ITPR1: variants seen among roughly 807,000 people sequenced by gnomAD.
The protein encoded by ITPR1 is inositol 1,4,5-trisphosphate receptor type 1.
ITPR1 carries 96 observed loss-of-function variants against 318.4 expected under a neutral mutation model. The ratio of observed to expected loss-of-function variants is 0.30; its 90% CI spans 0.26 to 0.36. The LOEUF (loss-of-function observed/expected upper bound fraction) is 0.36, where lower values mean the gene tolerates loss of function less well. Ranked by LOEUF, ITPR1 falls within the 10% of genes least tolerant of loss-of-function variation. ITPR1 has a pLI of 1.00. For synonymous variants in ITPR1, 1,312 were observed against 1,289.9 expected, an observed-to-expected ratio of 1.02 and a Z score of -0.37; for missense variants, 2,440 against 3,460.2, an observed-to-expected ratio of 0.71 and a Z score of 7.40.
At chr3:4,541,657 C>T (rs1022399482) in intron 4 of ITPR1, among the ~76,000 whole-genome samples, 12 of 151,560 alleles carry the variant, frequency 7.9e-5, no homozygotes, top group Non-Finnish European at 1.5e-4. Context: ...GATGGAGTCT[C>T]ACTCTGTTGC....
intron 37 of ITPR1, among the ~76,000 whole-genome samples, chr3:4,709,452 CTTTTCCCATGCAAA>C (rs2094825556): frequency 6.6e-6 from 1 of 152,232 alleles, no homozygotes; most frequent in African/African-American, 2.4e-5. Flanking sequence ...ATTTAAGCAG[CTTTTCCCATGCAAA>C]TGTCCTTGGG....
intron 2 of ITPR1, among the ~76,000 whole-genome samples, chr3:4,510,090 A>C (rs1174664893): frequency 6.6e-6 from 1 of 152,194 alleles, no homozygotes; most frequent in African/African-American, 2.4e-5. Context: ...GGCTTCCCAG[A>C]GGTGGAGACA....
At chr3:4,782,507 G>A (rs985270019) in intron 49 of ITPR1, 112 bp from the exon 50 acceptor site, 1 of 1,139,658 alleles carries the variant, frequency 8.8e-7, no homozygotes, top group African/African-American at 1.6e-5. Flanking sequence ...AGGAGAGAGT[G>A]CGGAACAGCC....
At chr3:4,837,656 A>C (rs2051023467) in intron 61 of ITPR1, among the ~76,000 whole-genome samples, 1 of 152,038 alleles carries the variant, frequency 6.6e-6, no homozygotes, top group African/African-American at 2.4e-5. Flanking sequence ...TCCAATTTAA[A>C]GTAAGTTGTA....
intron 2 of ITPR1, among the ~76,000 whole-genome samples, chr3:4,504,897 T>A (rs2081291028): frequency 1.3e-5 from 2 of 152,010 alleles, no homozygotes; most frequent in South Asian, 4.1e-4. Flanking sequence ...CTGTAGGGAG[T>A]TTCCTTGGCC....
intron 40 of ITPR1, among the ~76,000 whole-genome samples, chr3:4,721,905 G>T (rs1291127964): frequency 6.6e-6 from 1 of 152,206 alleles, no homozygotes; most frequent in African/African-American, 2.4e-5. Context: ...GTCACCTTAG[G>T]AAGTCTGTGT....
At chr3:4,589,745 T>G (rs2090225371) in intron 4 of ITPR1, among the ~76,000 whole-genome samples, 1 of 149,818 alleles carries the variant, frequency 6.7e-6, no homozygotes. Flanking sequence ...GACTGCTCAT[T>G]AAGATTACCC....
chr3:4,635,138 A>C (rs1216254850), intron 5 of ITPR1, among the ~76,000 whole-genome samples: 1 of 152,178 alleles, frequency 6.6e-6, no homozygotes, highest in Non-Finnish European at 1.5e-5. Flanking sequence ...TTAGGTAGGG[A>C]GTGATATTCA....
chr3:4,507,651 G>A (rs1458089496), intron 2 of ITPR1, among the ~76,000 whole-genome samples: 2 of 152,162 alleles, frequency 1.3e-5, no homozygotes, highest in East Asian at 1.9e-4. Flanking sequence ...AGTGGGATGG[G>A]TCATTAAAAA....
rs767779223 is a variant in ITPR1 at position 4,795,073 on chromosome 3, G to A, written c.6817G>A (p.Val2273Met). Residue 2273 changes from valine to methionine, a missense_variant, in exon 53 of 62, where the codon GTG becomes ATG. Val to Met is a conservative substitution (Grantham distance 21). Coordinates refer to ENST00000649015, the MANE Select transcript of ITPR1 (RefSeq NM_001378452.1). The part of the protein sequence containing the change: ...NWQKKLRAQP[V>M]LYWCARNMSF... ...TGCCTTTGTCTCTGCAGCCCAGCCC[G>A]TGTTGTACTGGTGTGCCCGCAACAT... is the stretch of plus-strand genomic sequence containing the variant. 3.0e-5 allele frequency: 49 copies of A among 1,611,822 alleles called. No individual in the cohort carries two copies. Among genetic ancestry groups the A allele is most frequent in the Middle Eastern group, 1.7e-4 (1 of 6,048 alleles).
intron 23 of ITPR1, 27 bp from the exon 24 acceptor site, chr3:4,676,587 A>C (rs1279445353): frequency 1.3e-6 from 2 of 1,590,932 alleles, no homozygotes; most frequent in South Asian, 2.2e-5. Flanking sequence ...AGACATTGTG[A>C]CCGTGGTCTC....
intron 4 of ITPR1, among the ~76,000 whole-genome samples, chr3:4,559,133 G>A (rs1396660556): frequency 2.0e-5 from 3 of 151,390 alleles, no homozygotes; most frequent in African/African-American, 4.9e-5. Context: ...GTTAACTACA[G>A]CATGTGCAAC....
chr3:4,657,953 C>A (rs756978458), intron 12 of ITPR1, among the ~76,000 whole-genome samples, 171 bp from the exon 13 acceptor site: 8 of 152,194 alleles, frequency 5.3e-5, no homozygotes, highest in Non-Finnish European at 8.8e-5. Flanking sequence ...ATATCCCTGG[C>A]TGCATGGCCA....
intron 54 of ITPR1, among the ~76,000 whole-genome samples, chr3:4,801,947 G>A (rs574993651): frequency 4.3e-4 from 66 of 152,286 alleles, no homozygotes; most frequent in South Asian, 4.1e-4. Context: ...CACCTCATTC[G>A]TGGTTCAGTA....
rs547530363 is a variant in ITPR1 at position 4,534,125 on chromosome 3, T to C, written c.163+13031T>C. Among the ~76,000 whole-genome samples the C allele has an allele frequency of 1.4e-3, 206 of 152,340 alleles. 1 individual carries two copies. The highest frequency in any genetic ancestry group is 5.5e-3 in the Admixed American group (84 of 15,306). On this transcript the variant is annotated intron_variant, in intron 4 of 61. Coordinates refer to ENST00000649015, the MANE Select transcript of ITPR1 (RefSeq NM_001378452.1). ...TCCAGAGGCTACTTCTTTTTCTCTT[T>C]TAATAGATTTAGGGGATACAAGTGC...
chr3:4,609,089 T>TATATATATATATATATATATACAC (rs1171860541), intron 4 of ITPR1, among the ~76,000 whole-genome samples: 1 of 91,938 alleles, frequency 1.1e-5, no homozygotes, highest in African/African-American at 3.8e-5. Flanking sequence ...TATATATATA[T>TATATATATATATATATATATACAC]ACACACACAC....
At chr3:4,637,516 C>T (rs540513019) in intron 5 of ITPR1, among the ~76,000 whole-genome samples, 33 of 152,316 alleles carry the variant, frequency 2.2e-4, no homozygotes, top group African/African-American at 7.9e-4. Flanking sequence ...AAGATTGCCA[C>T]GTTGCAAGCA....
intron 4 of ITPR1, among the ~76,000 whole-genome samples, chr3:4,532,479 C>T (rs543047531): frequency 1.3e-5 from 2 of 152,326 alleles, no homozygotes; most frequent in South Asian, 2.1e-4. Context: ...ATCTTCCCCC[C>T]TCAGCCTCCT....
chr3:4,800,740 AG>A, intron 54 of ITPR1, 140 bp downstream of exon 54: 1 of 856,306 alleles, frequency 1.2e-6, no homozygotes, highest in Non-Finnish European at 1.8e-6. Context: ...AGCCAGAAGC[AG>A]GGGATGGCTG....
Sources: gnomAD v4.1 joint callset for allele counts (sites outside exome capture counted in the v4.1 genomes callset) on GRCh38, gnomAD v4.1.1 for gene constraint, MANE v1.5 for transcripts, NCBI Gene and HGNC (gene_info 2026-07-23, HGNC 2026-07-21) for gene names.